Variants in NEK11 observed in about 807,000 individuals in gnomAD.
The protein encoded by NEK11 is NIMA related kinase 11.
Under a neutral mutation model 80.7 loss-of-function variants are expected in NEK11, and 72 were observed. The observed-to-expected ratio is 0.89, with a 90% CI of 0.74 to 1.08. The LOEUF (loss-of-function observed/expected upper bound fraction) is 1.08, where lower values mean the gene tolerates loss of function less well. Ranked by LOEUF, NEK11 falls within the 50% of genes least tolerant of loss-of-function variation. The pLI is 0.00. For synonymous variants in NEK11, 251 were observed against 260.7 expected, an observed-to-expected ratio of 0.96 and a Z score of 0.36; for missense variants, 764 against 763.6, an observed-to-expected ratio of 1.00 and a Z score of -0.01.
chr3:131,031,962 CA>C (rs1254852841), intron 3 of NEK11, among the ~76,000 whole-genome samples: 44 of 146,428 alleles, frequency 3.0e-4, no homozygotes, highest in Non-Finnish European at 9.1e-5. Flanking sequence ...GTAAATTAAT[CA>C]GTTTTTTTTT....
chr3:131,239,846 A>ATT (rs1361872616), intron 15 of NEK11, among the ~76,000 whole-genome samples: 18 of 152,132 alleles, frequency 1.2e-4, no homozygotes, highest in African/African-American at 4.3e-4. Flanking sequence ...TCATTCATTC[A>ATT]CACAGTCACA....
At chr3:131,044,443 A>AAGGGGG (rs71627025) in intron 3 of NEK11, among the ~76,000 whole-genome samples, 1 of 83,614 alleles carries the variant, frequency 1.2e-5, no homozygotes, top group African/African-American at 4.3e-5. Flanking sequence ...AAAAAAAAAA[A>AAGGGGG]GGTGGGGGGG....
At chr3:131,335,834 A>G (rs1280549427) in intron 17 of NEK11, among the ~76,000 whole-genome samples, 1 of 152,192 alleles carries the variant, frequency 6.6e-6, no homozygotes, top group Non-Finnish European at 1.5e-5. Context: ...ACAGACAAAC[A>G]GAGAGCCAAA....
chr3:131,030,595 C>T (rs2064695496), intron 3 of NEK11, among the ~76,000 whole-genome samples: 1 of 152,160 alleles, frequency 6.6e-6, no homozygotes, highest in African/African-American at 2.4e-5. Flanking sequence ...AAGAAAGTAA[C>T]AGTATTAATT....
At chr3:131,324,044 A>G (rs1342698023) in intron 17 of NEK11, among the ~76,000 whole-genome samples, 1 of 152,186 alleles carries the variant, frequency 6.6e-6, no homozygotes, top group African/African-American at 2.4e-5. Flanking sequence ...AAAGCATGAA[A>G]CATAATTAAA....
chr3:131,188,548 T>A (rs1015876139), intron 14 of NEK11, among the ~76,000 whole-genome samples: 16 of 152,178 alleles, frequency 1.1e-4, no homozygotes, highest in African/African-American at 3.6e-4. Context: ...TTTTAGGAAT[T>A]TTACATTGCT....
intron 14 of NEK11, among the ~76,000 whole-genome samples, chr3:131,202,967 T>G (rs1021858940): frequency 1.3e-5 from 2 of 150,736 alleles, no homozygotes; most frequent in African/African-American, 2.4e-5. Context: ...AGGAATACTT[T>G]TACACTGTTG....
intron 17 of NEK11, among the ~76,000 whole-genome samples, chr3:131,299,245 A>G (rs762432189): frequency 2.0e-5 from 3 of 152,146 alleles, no homozygotes; most frequent in Non-Finnish European, 4.4e-5. Flanking sequence ...GCCTCACTCT[A>G]TCACCCAGGC....
chr3:131,038,403 A>G (rs923510625), intron 3 of NEK11, among the ~76,000 whole-genome samples: 1 of 152,244 alleles, frequency 6.6e-6, no homozygotes, highest in Non-Finnish European at 1.5e-5. Context: ...AATGAAGTCA[A>G]TATTCTGAGA....
chr3:131,139,617 T>C (rs1392192386), intron 7 of NEK11, among the ~76,000 whole-genome samples: 1 of 152,250 alleles, frequency 6.6e-6, no homozygotes, highest in Admixed American at 6.5e-5. Context: ...TTGTTAATTC[T>C]GTGGGAGAGC....
intron 17 of NEK11, chr3:131,325,596 G>A (rs919026615): frequency 1.3e-5 from 2 of 152,108 alleles, no homozygotes; most frequent in African/African-American, 4.8e-5. Context: ...ACAACCTTAT[G>A]ATAAAGTTGG....
chr3:131,115,987 T>TTTCTTTCTTTCTTTCTTTCTTTCTTTCC (rs2081149433), intron 5 of NEK11, among the ~76,000 whole-genome samples: 1 of 144,538 alleles, frequency 6.9e-6, no homozygotes, highest in African/African-American at 2.6e-5. Flanking sequence ...TCTTTCTTTC[T>TTTCTTTCTTTCTTTCTTTCTTTCTTTCC]TTATTATACT....
At chr3:131,250,984 A>T (rs1288530644) in intron 16 of NEK11, among the ~76,000 whole-genome samples, 2 of 151,994 alleles carry the variant, frequency 1.3e-5, no homozygotes, top group Non-Finnish European at 2.9e-5. Context: ...AATTTTTTTT[A>T]AATGTGATGT....
At chr3:131,165,558 T>G (rs1560740732) in intron 12 of NEK11, 39 bp downstream of exon 12, 1 of 1,384,540 alleles carries the variant, frequency 7.2e-7, no homozygotes, top group Non-Finnish European at 1.0e-6. Flanking sequence ...ATAAAAATTT[T>G]TCTTGCTTTA....
chr3:131,290,074 T>G (rs1343144500), intron 17 of NEK11, among the ~76,000 whole-genome samples: 2 of 152,224 alleles, frequency 1.3e-5, no homozygotes, highest in African/African-American at 2.4e-5. Context: ...CAACTCATTA[T>G]CCAGGTCTCT....
chr3:131,295,295 AT>A (rs201593098), intron 17 of NEK11, among the ~76,000 whole-genome samples: 2,842 of 145,770 alleles, frequency 0.019, 39 homozygotes, highest in East Asian at 0.087. Context: ...CAGATTTGGG[AT>A]TTTTTTTTTT....
chr3:131,234,240 T>C (rs2095389474), intron 15 of NEK11, among the ~76,000 whole-genome samples: 1 of 152,244 alleles, frequency 6.6e-6, no homozygotes, highest in East Asian at 1.9e-4. Flanking sequence ...TGTTATGGGA[T>C]ACAGATTTAT....
chr3:131,249,256 A>C lies in NEK11; in HGVS notation c.1621+5760A>C, dbSNP rs369446999. 5.3e-5 allele frequency among the ~76,000 whole-genome samples: 8 copies of C among 152,238 alleles called. No individual in the cohort carries two copies. The East Asian group carries it at 1.5e-3, about 29-fold the overall frequency. On this transcript the variant is annotated intron_variant, in intron 16 of 17. Coordinates refer to ENST00000383366, the MANE Select transcript of NEK11 (RefSeq NM_024800.5). ...GAAAGCTGAAAGCTAAGTGCCTAAG[A>C]TGTATATAGGAAAGAAGGGAAGGTA...
intron 14 of NEK11, among the ~76,000 whole-genome samples, chr3:131,213,366 G>T (rs1263244475): frequency 1.3e-5 from 2 of 152,184 alleles, no homozygotes; most frequent in African/African-American, 4.8e-5. Context: ...TTTTCCAGGA[G>T]ACCAGAGGTG....
Sources: allele counts gnomAD v4.1 joint callset (sites outside exome capture counted in the v4.1 genomes callset), GRCh38; gene constraint gnomAD v4.1.1; transcripts MANE v1.5; gene names NCBI Gene and HGNC (gene_info 2026-07-23, HGNC 2026-07-21).